The following RYR2 variants were observed in gnomAD, a reference collection of about 807,000 sequenced individuals.
The protein encoded by RYR2 is ryanodine receptor 2.
RYR2 carries 227 observed loss-of-function variants against 601.1 expected under a neutral mutation model. The observed-to-expected ratio is 0.38, with a 90% CI of 0.34 to 0.42. The LOEUF (loss-of-function observed/expected upper bound fraction) is 0.42. RYR2 is among the 10% of genes least tolerant of loss of function. The pLI, the probability that RYR2 is intolerant of heterozygous loss-of-function variation, is 1.00. For synonymous variants in RYR2, 2,223 were observed against 2,175.1 expected (o/e 1.02, Z -0.61); for missense variants, 4,646 against 6,156.5 (o/e 0.75, Z 8.21).
chr1:237,669,895 G>A (rs1216294305), intron 58 of RYR2, among the ~76,000 whole-genome samples: 2 of 152,120 alleles, frequency 1.3e-5, no homozygotes, highest in African/African-American at 4.8e-5. Context: ...GTGGCGGCCG[G>A]GCAGAGGCTG....
chr1:237,664,307 A>G (rs1474421292), intron 56 of RYR2, among the ~76,000 whole-genome samples: 2 of 152,224 alleles, frequency 1.3e-5, no homozygotes, highest in African/African-American at 4.8e-5. Context: ...TGTATGCTGC[A>G]TTGTTCTAAG....
intron 1 of RYR2, among the ~76,000 whole-genome samples, chr1:237,067,718 A>C (rs1372767618): frequency 1.3e-5 from 2 of 152,188 alleles, no homozygotes; most frequent in African/African-American, 4.8e-5. Flanking sequence ...TTGAATTGGC[A>C]TCTTTATTAT....
At chr1:237,399,801 G>A (rs567216800) in intron 10 of RYR2, among the ~76,000 whole-genome samples, 1 of 152,210 alleles carries the variant, frequency 6.6e-6, no homozygotes, top group East Asian at 1.9e-4. Flanking sequence ...GAGACGTGCA[G>A]TTTCGGGGGA....
At chr1:237,299,844 CATA>C (rs1441666492) in intron 2 of RYR2, among the ~76,000 whole-genome samples, 1 of 152,144 alleles carries the variant, frequency 6.6e-6, no homozygotes. Flanking sequence ...CTGACAAATT[CATA>C]ATGTGTTTTA....
intron 16 of RYR2, among the ~76,000 whole-genome samples, chr1:237,464,692 C>A (rs76443905): frequency 0.045 from 6,875 of 152,260 alleles, 224 homozygotes; most frequent in Non-Finnish European, 0.071. Context: ...CCATGCTATA[C>A]ATGTACTTAT....
At chr1:237,252,902 T>C (rs10925351) in intron 1 of RYR2, among the ~76,000 whole-genome samples, 135,449 of 152,132 alleles carry the variant, frequency 0.89, 61,999 homozygotes, top group Non-Finnish European at 0.99. Flanking sequence ...CAGTGGCTCA[T>C]GCCTGTAATC....
chr1:237,119,007 G>A (rs987547540), intron 1 of RYR2, among the ~76,000 whole-genome samples: 2 of 152,070 alleles, frequency 1.3e-5, no homozygotes, highest in African/African-American at 4.8e-5. Context: ...AATGTGGGGG[G>A]TATGGGCTGA....
chr1:237,496,410 T>C (rs898763792), intron 19 of RYR2, 101 bp from the exon 20 acceptor site: 6 of 1,505,446 alleles, frequency 4.0e-6, no homozygotes, highest in Non-Finnish European at 5.4e-6. Flanking sequence ...TCTGTCTCAA[T>C]AAAATTAAAT....
intron 84 of RYR2, 85 bp downstream of exon 84, chr1:237,761,113 A>C: frequency 1.3e-6 from 1 of 782,746 alleles, no homozygotes; most frequent in Non-Finnish European, 2.1e-6. Context: ...TCAAGTAGAG[A>C]GATAAGAAGT....
At chr1:237,057,013 C>T (rs1662231167) in intron 1 of RYR2, among the ~76,000 whole-genome samples, 1 of 152,068 alleles carries the variant, frequency 6.6e-6, no homozygotes, top group Non-Finnish European at 1.5e-5. Context: ...CAGTAGGAGT[C>T]GAATTCAAGG....
At chr1:237,348,676 T>C (rs1698505413) in intron 3 of RYR2, among the ~76,000 whole-genome samples, 1 of 152,162 alleles carries the variant, frequency 6.6e-6, no homozygotes, top group Admixed American at 6.6e-5. Context: ...TTTAACACAG[T>C]ATCTGATGTG....
intron 1 of RYR2, among the ~76,000 whole-genome samples, chr1:237,123,139 A>T (rs1282134221): frequency 6.6e-6 from 1 of 152,234 alleles, no homozygotes; most frequent in Non-Finnish European, 1.5e-5. Flanking sequence ...GATGATGCCC[A>T]TAGTGAGAAC....
At position 237,388,094 on chromosome 1, in the gene RYR2, C is replaced by T. The variant is rs72549417; in HGVS notation, c.684C>T (p.Leu228=). ...GATTTTTTATCCTTACAGGGTATCTCATTGGTGGTGATGTCCTCAGGTTGC... is the reference window on the plus strand; with the variant it reads ...GATTTTTTATCCTTACAGGGTATCTTATTGGTGGTGATGTCCTCAGGTTGC... ...SSGSEAAQGY[L]IGGDVLRLLH... Residue 228 remains leucine (L), a synonymous_variant, in exon 10 of 105, where the codon CTC becomes CTT. Transcript: ENST00000366574. 183 of 1,613,576 alleles carry T rather than the reference C, an allele frequency of 1.1e-4. No individual in the cohort carries two copies. In the East Asian group the frequency reaches 2.9e-3, roughly 26 times the overall value.
At chr1:237,262,588 G>A (rs918848274) in intron 1 of RYR2, among the ~76,000 whole-genome samples, 6 of 152,040 alleles carry the variant, frequency 3.9e-5, no homozygotes, top group Non-Finnish European at 7.4e-5. Flanking sequence ...AATACAGAAA[G>A]GAATTCAATT....
In RYR2 at chr1:237,308,258, T is replaced by A. The variant is rs563816660; in HGVS notation, c.169-22620T>A. On this transcript the variant is annotated intron_variant, in intron 2 of 104. Coordinates refer to ENST00000366574, the MANE Select transcript of RYR2 (RefSeq NM_001035.3). ...ATAGTAATTAAGAAAATTAATCCTT[T>A]ATCACAAACCATTGGAGCAGAACAC... Among the ~76,000 whole-genome samples, 15 of 152,344 alleles carry A rather than the reference T, an allele frequency of 9.8e-5. No individual in the cohort carries two copies. In the East Asian group the frequency reaches 1.7e-3, roughly 18 times the overall value.
rs191398456 is a variant in RYR2, at chr1:237,769,484, G to T, written c.11477-1323G>T. Among the ~76,000 whole-genome samples the T allele has an allele frequency of 4.6e-3, 707 of 152,180 alleles. 16 individuals are homozygous for T. Among genetic ancestry groups the T allele is most frequent in the Non-Finnish European group, 1.7e-3 (117 of 68,012 alleles). On this transcript the variant is annotated intron_variant, in intron 84 of 104. Transcript: ENST00000366574. ...ACATAGTCACCAAATTTCATATCTT[G>T]TGGGCTAACAGGGAAATGAGTACAG...
In RYR2 at chr1:237,595,560, G is replaced by A. The variant is rs749719028; in HGVS notation, c.4499G>A (p.Arg1500His). ...GAGAGCATGAGCCCCGGGCAAGGAC[G>A]CAACAATAATGGACTGGAGATTGGC... The part of the protein sequence containing the change: ...AGESMSPGQG[R>H]NNNGLEIGCV... Residue 1500 changes from arginine to histidine, a missense_variant, in exon 34 of 105, where the codon CGC becomes CAC. By Grantham distance (29) the Arg-to-His change is conservative (BLOSUM62 0). This residue lies in a region of RYR2 where 1,807 missense variants were observed against 2,088.1 expected (regional missense o/e 0.87). Transcript: ENST00000366574. 5.0e-6 allele frequency: 8 copies of A among 1,613,458 alleles called. No individual in the cohort carries two copies. The highest frequency in any genetic ancestry group is 2.7e-5 in the African/African-American group (2 of 74,900).
intron 36 of RYR2, among the ~76,000 whole-genome samples, 198 bp downstream of exon 36, chr1:237,611,186 C>T (rs1677827902): frequency 6.6e-6 from 1 of 152,120 alleles, no homozygotes; most frequent in Non-Finnish European, 1.5e-5. Context: ...CATTCTGTTA[C>T]TGAAAAAAAT....
chr1:237,743,558 T>A (rs745646501), intron 80 of RYR2: 4 of 518,632 alleles, frequency 7.7e-6, no homozygotes, highest in South Asian at 5.6e-5. Context: ...TCAGAGCAAT[T>A]GTTTATTGCT....
Sources: gnomAD v4.1 joint callset for allele counts (sites outside exome capture counted in the v4.1 genomes callset) on GRCh38, gnomAD v4.1.1 for gene constraint, gnomAD v4.1.1 regional missense constraint, MANE v1.5 for transcripts, NCBI Gene and HGNC (gene_info 2026-07-23, HGNC 2026-07-21) for gene names.